Variants in RALYL observed in about 807,000 individuals in gnomAD.
RALYL encodes the protein RNA-binding Raly-like protein.
A neutral mutation model predicts 35.1 loss-of-function variants in RALYL; 29 were observed. That is an observed-to-expected ratio of 0.83 (90% CI 0.61 to 1.13). The LOEUF is 1.13. RALYL is among the 50% of genes most tolerant of loss of function. The probability of loss-of-function intolerance (pLI) is 0.00; values close to 1 mark genes in which losing one functional copy is unlikely to be tolerated. For synonymous variants in RALYL, 120 were observed against 127.6 expected (o/e 0.94, Z 0.40); for missense variants, 359 against 360.4 (o/e 1.00, Z 0.03).
rs1203133812 is a variant in RALYL at position 84,862,310 on chromosome 8, A to G, written c.428A>G (p.His143Arg). 6.3e-7 allele frequency: 1 copy of G among 1,583,850 alleles called. No individual in the cohort carries two copies. Among genetic ancestry groups the G allele is most frequent in the Non-Finnish European group, 8.6e-7 (1 of 1,166,006 alleles). The change falls in exon 6 of 9, where the codon CAC (histidine) becomes CGC (arginine). Residue 143 changes from histidine (H) to arginine (R), a missense_variant. Transcript: ENST00000521268. ...GTTTTGTAAAGGTTATTTGATTACC[A>G]CGGGCGTGTGCCTCCACCTCCCCGT... ...DDFYNRLFDY[H>R]GRVPPPPRAV...
At chr8:84,762,627 G>A (rs2634059) in intron 2 of RALYL, among the ~76,000 whole-genome samples, 40,825 of 152,034 alleles carry the variant, frequency 0.27, 5,892 homozygotes, top group African/African-American at 0.35. Context: ...GATGTTTGGA[G>A]TGACAGCTGA....
intron 8 of RALYL, among the ~76,000 whole-genome samples, chr8:84,903,449 C>G (rs1429454602): frequency 1.3e-5 from 2 of 152,052 alleles, no homozygotes; most frequent in African/African-American, 4.8e-5. Context: ...CCCTTTGGTA[C>G]CTTAGTCTCC....
chr8:84,633,864 A>G lies in RALYL; in HGVS notation c.256+104287A>G, dbSNP rs78930365. On this transcript the variant is annotated intron_variant, in intron 2 of 8. Coordinates refer to ENST00000521268, the MANE Select transcript of RALYL (RefSeq NM_173848.7). ...ATCAACCAAACTTAGACTTGAATCC[A>G]GTCCTACTTATAATTGTTTGGCTTG... Among the ~76,000 whole-genome samples, 77 of 152,004 alleles carry G rather than the reference A, an allele frequency of 5.1e-4. 1 individual carries two copies. The East Asian group carries it at 0.014, about 27-fold the overall frequency.
At chr8:84,467,690 G>A (rs1014536622) in intron 1 of RALYL, among the ~76,000 whole-genome samples, 7 of 151,624 alleles carry the variant, frequency 4.6e-5, no homozygotes, top group African/African-American at 1.5e-4. Flanking sequence ...TCAATTCCTG[G>A]GTATCCTTGT....
intron 2 of RALYL, among the ~76,000 whole-genome samples, chr8:84,727,458 AT>A (rs542167004): frequency 3.4e-4 from 52 of 151,498 alleles, no homozygotes; most frequent in East Asian, 9.7e-4. Context: ...TTTTCTTTTC[AT>A]TTTTTTTATT....
intron 1 of RALYL, among the ~76,000 whole-genome samples, chr8:84,417,740 A>G (rs1246666927): frequency 1.3e-5 from 2 of 152,072 alleles, no homozygotes; most frequent in African/African-American, 4.8e-5. Flanking sequence ...CAAGACAAAG[A>G]GACATGCCAT....
At chr8:84,643,074 G>A (rs949128855) in intron 2 of RALYL, among the ~76,000 whole-genome samples, 2 of 151,768 alleles carry the variant, frequency 1.3e-5, no homozygotes, top group Admixed American at 6.6e-5. Context: ...AGAGAGTAGG[G>A]CCCACACACA....
At chr8:84,878,498 T>C (rs1017557394) in intron 7 of RALYL, among the ~76,000 whole-genome samples, 13 of 150,570 alleles carry the variant, frequency 8.6e-5, no homozygotes, top group East Asian at 2.0e-4. Context: ...ACTGTTAATG[T>C]GAACAAACAA....
At chr8:84,884,545 TAC>T (rs1051052903) in intron 7 of RALYL, among the ~76,000 whole-genome samples, 32 of 151,566 alleles carry the variant, frequency 2.1e-4, no homozygotes, top group African/African-American at 7.5e-4. Context: ...GTATATATAT[TAC>T]ACACACACAC....
At chr8:84,919,554 A>G (rs576696899) in intron 8 of RALYL, among the ~76,000 whole-genome samples, 1 of 152,182 alleles carries the variant, frequency 6.6e-6, no homozygotes, top group East Asian at 1.9e-4. Flanking sequence ...ACATTTGAAT[A>G]AAGCTTTCAT....
At chr8:84,618,229 C>G (rs948584100) in intron 2 of RALYL, among the ~76,000 whole-genome samples, 2 of 151,648 alleles carry the variant, frequency 1.3e-5, no homozygotes, top group East Asian at 1.9e-4. Flanking sequence ...GTCCTGGACT[C>G]TTTTTGGTTG....
At chr8:84,445,470 ATTTTAC>A (rs1340961901) in intron 1 of RALYL, among the ~76,000 whole-genome samples, 1 of 151,812 alleles carries the variant, frequency 6.6e-6, no homozygotes, top group Non-Finnish European at 1.5e-5. Context: ...AGAACAATAT[ATTTTAC>A]TTTTAAACTT....
chr8:84,222,375 T>C (rs1481036334), intron 1 of RALYL, among the ~76,000 whole-genome samples: 1 of 152,134 alleles, frequency 6.6e-6, no homozygotes, highest in Non-Finnish European at 1.5e-5. Flanking sequence ...AAATACATAT[T>C]TAGCAACTGG....
rs116174258 is a variant in RALYL at position 84,273,884 on chromosome 8, G to T, written c.-24+89460G>T. Among the ~76,000 whole-genome samples the T allele has an allele frequency of 3.6e-3, 545 of 152,286 alleles. 2 individuals are homozygous for T. The highest frequency in any genetic ancestry group is 0.012 in the African/African-American group (517 of 41,554). ...TAAGAATCATGCTCCCGTGTAAATTGTTACTGTCTGTTTTCTCACTTAGCA... is the reference window on the plus strand; with the variant it reads ...TAAGAATCATGCTCCCGTGTAAATTTTTACTGTCTGTTTTCTCACTTAGCA... On this transcript the variant is annotated intron_variant, in intron 1 of 8. Transcript: ENST00000521268.
intron 3 of RALYL, among the ~76,000 whole-genome samples, chr8:84,798,042 A>G (rs1822349916): frequency 6.6e-6 from 1 of 152,110 alleles, no homozygotes. Flanking sequence ...AGGTCCTGTT[A>G]GTGAGCCCAA....
chr8:84,409,797 A>C lies in RALYL; in HGVS notation c.-23-119502A>C, dbSNP rs372121296. Among the ~76,000 whole-genome samples, 20 of 152,148 alleles carry C rather than the reference A, an allele frequency of 1.3e-4. 2 individuals carry two copies. The South Asian group carries it at 3.3e-3, about 25-fold the overall frequency. ...GTATCTCTATTTATTCTTTTAGAGCACAAATCCACTTTTTCTAAACCTATT... is the reference window on the plus strand; with the variant it reads ...GTATCTCTATTTATTCTTTTAGAGCCCAAATCCACTTTTTCTAAACCTATT... On this transcript the variant is annotated intron_variant, in intron 1 of 8. Transcript: ENST00000521268.
intron 1 of RALYL, among the ~76,000 whole-genome samples, chr8:84,499,074 A>T (rs1186235040): frequency 1.4e-5 from 2 of 147,092 alleles, no homozygotes; most frequent in African/African-American, 5.1e-5. Context: ...ACATATAAAG[A>T]CTATGCCATC....
At chr8:84,684,545 A>G (rs1225963005) in intron 2 of RALYL, among the ~76,000 whole-genome samples, 3 of 152,218 alleles carry the variant, frequency 2.0e-5, no homozygotes, top group African/African-American at 7.2e-5. Flanking sequence ...CATCCTAAGC[A>G]ATGAATTTGT....
At chr8:84,615,676 T>C (rs1484183623) in intron 2 of RALYL, among the ~76,000 whole-genome samples, 4 of 138,010 alleles carry the variant, frequency 2.9e-5, no homozygotes, top group Non-Finnish European at 6.1e-5. Context: ...ACATGTGCCA[T>C]GCTGGTGCGC....
Sources: allele counts gnomAD v4.1 joint callset (sites outside exome capture counted in the v4.1 genomes callset), GRCh38; gene constraint gnomAD v4.1.1; transcripts MANE v1.5; gene names NCBI Gene and HGNC (gene_info 2026-07-23, HGNC 2026-07-21).